IPO5: variants seen among roughly 807,000 people sequenced by gnomAD.
IPO5 encodes the protein importin-5.
A neutral mutation model predicts 143.3 loss-of-function variants in IPO5; 18 were observed. That is an observed-to-expected ratio of 0.13 (90% CI 0.09 to 0.19). IPO5 has a LOEUF of 0.19. IPO5 is among the 10% of genes least tolerant of loss of function. The pLI is 1.00. For synonymous variants in IPO5, 477 were observed against 465.7 expected, an observed-to-expected ratio of 1.02 and a Z score of -0.31; for missense variants, 1,013 against 1,336.9, an observed-to-expected ratio of 0.76 and a Z score of 3.78.
In IPO5 at chr13:98,000,672, A is replaced by G. The variant is rs770105071; in HGVS notation, c.1108+27A>G. The G allele has an allele frequency of 2.1e-6, 3 of 1,457,886 alleles. No individual in the cohort carries two copies. The East Asian group carries it at 6.8e-5, about 33-fold the overall frequency. The allele number at this position is 1,457,886 out of a possible 1,614,324, so 90.3% of individuals were successfully genotyped here. A position where few individuals can be genotyped will look rare whatever the true frequency, so the allele number is the denominator to read the frequency against. ...TAAGCTGTGTCCTTCAAATGCTAGA[A>G]GAGTGAAGTTGTGCCCTTTCTAAAG... On this transcript the variant is annotated intron_variant, in intron 13 of 28. Coordinates refer to ENST00000651721, the MANE Select transcript of IPO5 (RefSeq NM_002271.6).
chr13:97,973,816 T>C (rs1886035166), intron 3 of IPO5, among the ~76,000 whole-genome samples: 1 of 152,110 alleles, frequency 6.6e-6, no homozygotes, highest in Admixed American at 6.5e-5. Context: ...AGGCCTGTAA[T>C]CCTAGCACTT....
rs372285802 is a variant in IPO5 at position 98,002,856 on chromosome 13, T to C, written c.1324-8T>C. The C allele has an allele frequency of 6.2e-7, 1 of 1,608,252 alleles. No homozygotes were observed. The highest frequency in any genetic ancestry group is 1.3e-5 in the African/African-American group (1 of 74,710). On this transcript the variant is annotated splice_region_variant and splice_polypyrimidine_tract_variant and intron_variant, in intron 15 of 28. Transcript: ENST00000651721. ...CAACATGTGTGCCCATTTGGTTTCA[T>C]TTCACAGGTGATTGCAGCTCTGCTG...
In IPO5 at chr13:98,019,748, C is replaced by G; in HGVS notation, c.3004C>G (p.Leu1002Val). Residue 1002 changes from leucine to valine, a missense_variant, in exon 27 of 29, where the codon CTA (leucine) becomes GTA (valine). By Grantham distance (32) the Leu-to-Val change is conservative. Around this residue, in one of 2 missense-constraint regions of IPO5, gnomAD observed 685 missense variants for 994.9 expected, o/e 0.69. Transcript: ENST00000651721. Reference sequence around the variant, plus strand: ...TCCACACTGGTTGTCTTGGCTTCCACTACATGAAGATAAAGAAGAAGCTGT... The same window carrying G: ...TCCACACTGGTTGTCTTGGCTTCCAGTACATGAAGATAAAGAAGAAGCTGT... ...VLPHWLSWLP[L>V]HEDKEEAVQT... 1.2e-6 allele frequency: 2 copies of G among 1,614,114 alleles called. No homozygotes were observed. The highest frequency in any genetic ancestry group is 1.7e-6 in the Non-Finnish European group (2 of 1,179,980).
intron 16 of IPO5, among the ~76,000 whole-genome samples, chr13:98,004,069 A>G (rs1460477215): frequency 3.3e-5 from 5 of 152,254 alleles, no homozygotes; most frequent in African/African-American, 9.6e-5. Context: ...ATTTTAGCCC[A>G]GTTTATTGTC....
At chr13:97,986,364 T>A (rs949716568) in intron 6 of IPO5, among the ~76,000 whole-genome samples, 3 of 152,036 alleles carry the variant, frequency 2.0e-5, no homozygotes, top group East Asian at 3.9e-4. Context: ...ATATATATTT[T>A]TTTTTTTTGA....
Position 97,982,539 on chromosome 13 carries a change from A to C in IPO5, c.127A>C (p.Thr43Pro). 1 of 1,613,214 alleles carries C rather than the reference A, an allele frequency of 6.2e-7. No homozygotes were observed. Among genetic ancestry groups the C allele is most frequent in the Non-Finnish European group, 8.5e-7 (1 of 1,179,366 alleles). Reference protein sequence around the residue: ...YENIPGQSKITFLLQAIRNTT... With the variant: ...YENIPGQSKIPFLLQAIRNTT... ...GAATATCCCAGGCCAGTCAAAGATC[A>C]CATTCCTCTTACAAGCCATCAGAAA... The change falls in exon 5 of 29, where the codon ACA becomes CCA. Residue 43 changes from threonine (T) to proline (P), a missense_variant. Physicochemically the swap from Thr to Pro is conservative, Grantham distance 38. Coordinates refer to ENST00000651721, the MANE Select transcript of IPO5 (RefSeq NM_002271.6).
chr13:98,001,455 A>G (rs1253749978), intron 13 of IPO5, among the ~76,000 whole-genome samples: 1 of 152,178 alleles, frequency 6.6e-6, no homozygotes, highest in Non-Finnish European at 1.5e-5. Context: ...CCTCCTGAGT[A>G]GCTGGGACTA....
Position 97,980,940 on chromosome 13 carries a change from T to C in IPO5, c.91-1563T>C, listed in dbSNP as rs546500037. ...AAGTGGCTAAGCTGGGTGCTTTTTA[T>C]TGTATAGTGAGATACTTTTTAAATG... On this transcript the variant is annotated intron_variant, in intron 4 of 28. Coordinates refer to ENST00000651721, the MANE Select transcript of IPO5 (RefSeq NM_002271.6). Among the ~76,000 whole-genome samples, 3 of 152,206 alleles carry C rather than the reference T, an allele frequency of 2.0e-5. No homozygotes were observed. The East Asian group carries it at 5.8e-4, about 29-fold the overall frequency.
intron 2 of IPO5, among the ~76,000 whole-genome samples, chr13:97,969,339 G>A (rs1001349996): frequency 6.6e-5 from 10 of 150,988 alleles, no homozygotes; most frequent in Non-Finnish European, 1.3e-4. Flanking sequence ...CCACCACCAC[G>A]CCCAGCTAAT....
At chr13:97,995,516 G>A (rs1412896436) in intron 11 of IPO5, among the ~76,000 whole-genome samples, 1 of 152,082 alleles carries the variant, frequency 6.6e-6, no homozygotes, top group African/African-American at 2.4e-5. Context: ...AGCACTTTGG[G>A]AGGCCGAGGC....
At chr13:97,966,553 A>C (rs1413529840) in intron 2 of IPO5, among the ~76,000 whole-genome samples, 1 of 151,894 alleles carries the variant, frequency 6.6e-6, no homozygotes, top group Admixed American at 6.6e-5. Context: ...TTTTGTGTCG[A>C]TATTGGTCTA....
In IPO5 at chr13:98,015,800, AACTT is replaced by A. The variant is rs780977565; in HGVS notation, c.2493+26_2493+29del. The A allele has an allele frequency of 1.1e-4, 168 of 1,561,070 alleles. No homozygotes were observed. The highest frequency in any genetic ancestry group is 1.7e-4 in the Middle Eastern group (1 of 5,886). On this transcript the variant is annotated intron_variant, in intron 24 of 28. Transcript: ENST00000651721. ...AGATGAGGTAAGTTATTCCCTTTGG[AACTT>A]ACTTACGTGACCACTTGCATCTGAA...
intron 5 of IPO5, among the ~76,000 whole-genome samples, chr13:97,983,765 T>G (rs1887062919): frequency 6.6e-6 from 1 of 151,978 alleles, no homozygotes; most frequent in African/African-American, 2.4e-5. Flanking sequence ...AACTTTTACA[T>G]TATGTTTCAC....
At chr13:97,998,068 G>A (rs928227728) in intron 12 of IPO5, among the ~76,000 whole-genome samples, 4 of 152,104 alleles carry the variant, frequency 2.6e-5, no homozygotes, top group Non-Finnish European at 4.4e-5. Flanking sequence ...CTCCGCCTCC[G>A]GGGTTCACGC....
intron 4 of IPO5, among the ~76,000 whole-genome samples, chr13:97,977,859 G>A (rs74108112): frequency 0.017 from 2,584 of 152,226 alleles, 63 homozygotes; most frequent in African/African-American, 0.059. Context: ...TTAAGTGAAG[G>A]ATGTTCAGCC....
At position 97,988,943 on chromosome 13, in the gene IPO5, A is replaced by G. The variant is rs1005180806; in HGVS notation, c.365-119A>G. The G allele has an allele frequency of 1.6e-4, 91 of 566,330 alleles. No homozygotes were observed. The Middle Eastern group carries it at 5.0e-3, about 31-fold the overall frequency. 35.1% of individuals were successfully genotyped at this position (566,330 alleles called of 1,614,324 possible). ...ATTTTGTGGAGTTTTTAAAAATAGC[A>G]AAAGTGACATTTTTCACTACTCCAG... On this transcript the variant is annotated intron_variant, in intron 6 of 28. Transcript: ENST00000651721.
chr13:98,006,670 G>A (rs561404112), intron 17 of IPO5, among the ~76,000 whole-genome samples: 4 of 151,840 alleles, frequency 2.6e-5, no homozygotes, highest in East Asian at 1.9e-4. Flanking sequence ...CACTGTGCCC[G>A]GCCTGTAATT....
chr13:97,999,490 A>G (rs1041019749), intron 12 of IPO5, among the ~76,000 whole-genome samples: 3 of 152,236 alleles, frequency 2.0e-5, no homozygotes, highest in African/African-American at 7.2e-5. Context: ...TTTCTAAACT[A>G]GATGAATAAG....
chr13:97,984,391 T>G (rs910069906), intron 5 of IPO5, among the ~76,000 whole-genome samples: 1 of 152,228 alleles, frequency 6.6e-6, no homozygotes, highest in Admixed American at 6.5e-5. Flanking sequence ...TAACTTGTAT[T>G]AAGCCTTATT....
Sources: gnomAD v4.1 joint callset for allele counts (sites outside exome capture counted in the v4.1 genomes callset) on GRCh38, gnomAD v4.1.1 for gene constraint, gnomAD v4.1.1 regional missense constraint, MANE v1.5 for transcripts, NCBI Gene and HGNC (gene_info 2026-07-23, HGNC 2026-07-21) for gene names.